Variants in ZNF300 observed in about 807,000 individuals in gnomAD.
The protein encoded by ZNF300 is zinc finger protein 300.
ZNF300 carries 6 observed loss-of-function variants against 13.9 expected under a neutral mutation model. The observed-to-expected ratio is 0.43, with a 90% confidence interval of 0.24 to 0.85. The LOEUF (loss-of-function observed/expected upper bound fraction) is 0.85, where lower values mean the gene tolerates loss of function less well. Ranked by LOEUF, ZNF300 falls within the 40% of genes least tolerant of loss-of-function variation. The pLI is 0.25. For missense variants in ZNF300, 662 were observed against 714.2 expected, an observed-to-expected ratio of 0.93 and a Z score of 0.83; for synonymous variants, 237 against 242.2, an observed-to-expected ratio of 0.98 and a Z score of 0.20.
At chr5:150,897,984 A>C in intron 5 of ZNF300, 78 bp downstream of exon 5, 6 of 1,514,894 alleles carry the variant, frequency 4.0e-6, no homozygotes, top group Non-Finnish European at 5.3e-6. Flanking sequence ...AGCAAAGAAT[A>C]GGAGATTTTG....
Position 150,894,614 on chromosome 5 carries a change from A to T in ZNF300, c.*810T>A, listed in dbSNP as rs1329556017. 1 of 152,302 alleles carries T rather than the reference A, an allele frequency of 6.6e-6. No individual in the cohort carries two copies. The highest frequency in any genetic ancestry group is 1.5e-5 in the Non-Finnish European group (1 of 68,020). The allele number at this position is 152,302 out of a possible 1,614,324, so 9.4% of individuals were successfully genotyped here. On this transcript the variant is annotated 3_prime_UTR_variant, in exon 6 of 6. Transcript: ENST00000274599. ...TAGTCTTAACATCTAATGCTTCAAG[A>T]TAGAGAGTAAAGATTTAAAAAGTAC...
rs577641825 is a variant in ZNF300 at position 150,898,632 on chromosome 5, A to G, written c.16-78T>C. ...CTATAATGTGCACAACTACATCCAC[A>G]CCTAGTTTTGTATAATAGTTTTTGG... On this transcript the variant is annotated intron_variant, in intron 3 of 5. Transcript: ENST00000274599. 24 of 1,435,756 alleles carry G rather than the reference A, an allele frequency of 1.7e-5. No individual in the cohort carries two copies. The South Asian group carries it at 3.2e-4, about 19-fold the overall frequency. The allele number at this position is 1,435,756 out of a possible 1,614,324, so 88.9% of individuals were successfully genotyped here. A position where few individuals can be genotyped will look rare whatever the true frequency, so the allele number is the denominator to read the frequency against.
rs1754861681 is a variant in ZNF300 at position 150,898,123 on chromosome 5, G to T, written c.204C>A (p.Ile68=). ...TCCAATTTGATATGTCTCCCTTTAT[G>T]ATCCATGGCTCTTCTCCTTGTTCCA... The part of the protein sequence containing the change: ...SKLEQGEEPW[I]IKGDISNWIY... The change falls in exon 5 of 6, where the codon ATC becomes ATA. Residue 68 remains isoleucine, a synonymous_variant. Transcript: ENST00000274599. 2 of 1,613,536 alleles carry T rather than the reference G, an allele frequency of 1.2e-6. No individual in the cohort carries two copies. Among genetic ancestry groups the T allele is most frequent in the South Asian group, 1.1e-5 (1 of 91,040 alleles).
At chr5:150,897,268 C>T in intron 5 of ZNF300, 1 of 279,910 alleles carries the variant, frequency 3.6e-6, no homozygotes. Context: ...TGAATAGAAA[C>T]CCCTTTTCAC....
intron 2 of ZNF300, chr5:150,903,444 G>A (rs1206824004): frequency 3.9e-6 from 5 of 1,293,930 alleles, no homozygotes; most frequent in East Asian, 5.0e-5. Context: ...GTGAAGATAT[G>A]TTTCCAGTTG....
Position 150,895,465 on chromosome 5 carries a change from G to C in ZNF300, c.1774C>G (p.Leu592Val). ...GTGTGAATTCTCTGGTGTACAGTTA[G>C]TTGTGACTTCTGGATGAAGGCCTTC... is the stretch of plus-strand genomic sequence containing the variant. ...CGKAFIQKSQ[L>V]TVHQRIHTVV... is the part of the protein sequence containing the mutation. The change falls in exon 6 of 6, where the codon CTA becomes GTA. Residue 592 changes from leucine (L) to valine (V), a missense_variant. Physicochemically the swap from Leu to Val is conservative, Grantham distance 32 (BLOSUM62 1). Coordinates refer to ENST00000274599, the MANE Select transcript of ZNF300 (RefSeq NM_052860.4). 3 of 1,612,384 alleles carry C rather than the reference G, an allele frequency of 1.9e-6. No individual in the cohort carries two copies. Among genetic ancestry groups the C allele is most frequent in the Non-Finnish European group, 2.5e-6 (3 of 1,179,012 alleles).
At chr5:150,904,071 A>C (rs1755070722) in intron 1 of ZNF300, 94 bp from the exon 2 acceptor site, 1 of 152,236 alleles carries the variant, frequency 6.6e-6, no homozygotes, top group Admixed American at 6.5e-5. Flanking sequence ...AATGATTTAA[A>C]TAAACTTAGA....
chr5:150,895,715 G>A lies in ZNF300; in HGVS notation c.1524C>T (p.Leu508=). The stretch of plus-strand genomic sequence containing the variant: ...CTGTGTGAATTCTCTGATGTCCAAT[G>A]AGATGTGACTTCTGGCAGAAGGCTT... The part of the protein sequence containing the change: ...CGKAFCQKSH[L]IGHQRIHTGE... The change falls in exon 6 of 6, where the codon CTC becomes CTT. Residue 508 remains leucine, a synonymous_variant. Coordinates refer to ENST00000274599, the MANE Select transcript of ZNF300 (RefSeq NM_052860.4). 1.2e-6 allele frequency: 2 copies of A among 1,613,490 alleles called. No individual in the cohort carries two copies. Among genetic ancestry groups the A allele is most frequent in the South Asian group, 1.1e-5 (1 of 91,042 alleles).
In ZNF300 at chr5:150,898,478, G is replaced by A; in HGVS notation, c.92C>T (p.Thr31Ile). 3 of 1,613,284 alleles carry A rather than the reference G, an allele frequency of 1.9e-6. No individual in the cohort carries two copies. The highest frequency in any genetic ancestry group is 2.5e-6 in the Non-Finnish European group (3 of 1,179,544). ...EWQQLDPSQR[T>I]LYRDVMLENY... ...CTCCAGCATCACATCCCTGTACAGG[G>A]TCCTCTGAGAAGGGTCAAGTTGCTG... Residue 31 changes from threonine to isoleucine, a missense_variant, in exon 4 of 6, where the codon ACC becomes ATC. By Grantham distance (89) the Thr-to-Ile change is moderately conservative. Coordinates refer to ENST00000274599, the MANE Select transcript of ZNF300 (RefSeq NM_052860.4).
intron 3 of ZNF300, among the ~76,000 whole-genome samples, chr5:150,899,787 C>T (rs2113023988): frequency 6.6e-6 from 1 of 152,162 alleles, no homozygotes; most frequent in South Asian, 2.1e-4. Flanking sequence ...TAACTAATAG[C>T]AGAAACTAAT....
intron 3 of ZNF300, among the ~76,000 whole-genome samples, chr5:150,901,624 CACA>C (rs1754998296): frequency 6.6e-6 from 1 of 152,054 alleles, no homozygotes; most frequent in South Asian, 2.1e-4. Flanking sequence ...TTCAAGATTT[CACA>C]ACGATAATCA....
In ZNF300 at chr5:150,894,428, G is replaced by C. The variant is rs1754676604; in HGVS notation, c.*996C>G. ...TGTGCAATCACCACGGTTTATGTAA[G>C]TATATGAAAATAAATCCAAGTATTA... On this transcript the variant is annotated 3_prime_UTR_variant, in exon 6 of 6. Transcript: ENST00000274599. 6.6e-6 allele frequency: 1 copy of C among 152,186 alleles called. No homozygotes were observed. Among genetic ancestry groups the C allele is most frequent in the South Asian group, 2.1e-4 (1 of 4,826 alleles). The allele number at this position is 152,186 out of a possible 1,614,324, so 9.4% of individuals were successfully genotyped here. A position where few individuals can be genotyped will look rare whatever the true frequency, so the allele number is the denominator to read the frequency against.
rs1214630894 is a variant in ZNF300 at position 150,903,878 on chromosome 5, T to G, written c.-42A>C. 6.4e-6 allele frequency: 1 copy of G among 157,430 alleles called. No individual in the cohort carries two copies. The highest frequency in any genetic ancestry group is 1.8e-4 in the East Asian group (1 of 5,658). 9.8% of individuals were successfully genotyped at this position (157,430 alleles called of 1,614,324 possible). On this transcript the variant is annotated 5_prime_UTR_variant, in exon 2 of 6. The change abolishes the stop of an existing upstream ORF in the 5' untranslated region. Transcript: ENST00000274599. ...AAGGTAAATACCTGGTAAATTTTCC[T>G]CAGTCCCAGGACAAGTCATGCAGAC... is the stretch of plus-strand genomic sequence containing the variant.
At position 150,896,760 on chromosome 5, in the gene ZNF300, G is replaced by C; in HGVS notation, c.479C>G (p.Ser160Ter). Residue 160 changes from serine to a stop codon, truncating the protein, a stop_gained, in exon 6 of 6, where the codon TCA (serine) becomes TGA (stop). Coordinates refer to ENST00000274599, the MANE Select transcript of ZNF300 (RefSeq NM_052860.4). LOFTEE classifies it low-confidence loss of function (END_TRUNC). ...CCCCAGTGGATTATATTTATGCCCT[G>C]ATGCCTCAGTCACTGTTTTGCTGTT... ...FVNSKTVTEA[S>*]GHKYNPLGKI... 1.9e-6 allele frequency: 3 copies of C among 1,613,702 alleles called. No homozygotes were observed. The highest frequency in any genetic ancestry group is 2.5e-6 in the Non-Finnish European group (3 of 1,179,792).
At chr5:150,903,246 C>T (rs1755045524) in intron 2 of ZNF300, 64 bp from the exon 3 acceptor site, 1 of 1,611,864 alleles carries the variant, frequency 6.2e-7, no homozygotes, top group Admixed American at 1.7e-5. Context: ...GCAGCTTTCA[C>T]ATTCACCAAT....
intron 5 of ZNF300, 164 bp from the exon 6 acceptor site, chr5:150,897,137 TAGAC>T (rs1393407826): frequency 8.0e-6 from 4 of 498,016 alleles, no homozygotes; most frequent in African/African-American, 5.8e-5. Context: ...ATCAGGTGAA[TAGAC>T]AGACAAGAAT....
At chr5:150,901,965 C>T (rs1030142050) in intron 3 of ZNF300, among the ~76,000 whole-genome samples, 2 of 151,860 alleles carry the variant, frequency 1.3e-5, no homozygotes, top group Non-Finnish European at 2.9e-5. Flanking sequence ...AAGAAAAGCG[C>T]AAGAAAATAA....
rs777691537 is a variant in ZNF300, at chr5:150,895,415, G to C, written c.*9C>G. On this transcript the variant is annotated 3_prime_UTR_variant, in exon 6 of 6. Transcript: ENST00000274599. ...GAGCTAATACTAAGGCTTTTCTGTG[G>C]CCAGTTCATTATGATTTTACCACTG... 1.3e-6 allele frequency: 2 copies of C among 1,572,696 alleles called. No homozygotes were observed. Among genetic ancestry groups the C allele is most frequent in the Non-Finnish European group, 1.7e-6 (2 of 1,156,390 alleles).
At position 150,895,658 on chromosome 5, in the gene ZNF300, C is replaced by A; in HGVS notation, c.1581G>T (p.Gly527=). 6.2e-7 allele frequency: 1 copy of A among 1,613,038 alleles called. No individual in the cohort carries two copies. The highest frequency in any genetic ancestry group is 8.5e-7 in the Non-Finnish European group (1 of 1,179,510). Residue 527 remains glycine, a synonymous_variant, in exon 6 of 6, where the codon GGG becomes GGT. Coordinates refer to ENST00000274599, the MANE Select transcript of ZNF300 (RefSeq NM_052860.4). ...GGTGGGACTTCTGAGAGAAGGCTTT[C>A]CCACATTCAGTACATATATAAGGTT... ...GEKPYICTEC[G]KAFSQKSHLP...
Sources: allele counts gnomAD v4.1 joint callset (sites outside exome capture counted in the v4.1 genomes callset), GRCh38; gene constraint gnomAD v4.1.1; transcripts MANE v1.5; gene names NCBI Gene and HGNC (gene_info 2026-07-23, HGNC 2026-07-21).